The following TBC1D5 variants were observed in gnomAD, a reference collection of about 807,000 sequenced individuals.
The protein encoded by TBC1D5 is TBC1 domain family member 5, also known as TBC1 domain family, member 5.
A neutral mutation model predicts 100.3 loss-of-function variants in TBC1D5; 75 were observed. The observed-to-expected ratio is 0.75, with a 90% CI of 0.62 to 0.91. The LOEUF (loss-of-function observed/expected upper bound fraction) is 0.91. Among genes scored for constraint, TBC1D5 ranks in the 40% least tolerant of loss-of-function variants. The probability of loss-of-function intolerance (pLI) is 0.00; values close to 1 mark genes in which losing one functional copy is unlikely to be tolerated. For synonymous variants in TBC1D5, 323 were observed against 325.6 expected, an observed-to-expected ratio of 0.99 and a Z score of 0.09; for missense variants, 910 against 942.4, an observed-to-expected ratio of 0.97 and a Z score of 0.45.
intron 17 of TBC1D5, 34 bp downstream of exon 17, chr3:17,238,129 T>A (rs746119972): frequency 1.9e-6 from 3 of 1,595,160 alleles, no homozygotes; most frequent in Non-Finnish European, 1.7e-6. Context: ...ACACCATGAA[T>A]GTTTTCTTTA....
At chr3:17,683,282 A>AT (rs944374656) in intron 1 of TBC1D5, among the ~76,000 whole-genome samples, 4 of 151,072 alleles carry the variant, frequency 2.6e-5, no homozygotes, top group Admixed American at 2.6e-4. Flanking sequence ...TGATAACATT[A>AT]TTTTTTTTAA....
chr3:17,445,740 A>C (rs2094775495), intron 3 of TBC1D5, among the ~76,000 whole-genome samples: 1 of 152,252 alleles, frequency 6.6e-6, no homozygotes, highest in East Asian at 1.9e-4. Flanking sequence ...TTTATAAATT[A>C]AACTTTATCA....
intron 13 of TBC1D5, among the ~76,000 whole-genome samples, chr3:17,352,894 G>A (rs1359087147): frequency 1.3e-5 from 2 of 151,882 alleles, no homozygotes; most frequent in Admixed American, 6.6e-5. Flanking sequence ...CCAACCTACC[G>A]CTGTGCCCAG....
At chr3:17,544,757 T>C (rs940885466) in intron 2 of TBC1D5, among the ~76,000 whole-genome samples, 2 of 151,766 alleles carry the variant, frequency 1.3e-5, no homozygotes, top group African/African-American at 4.9e-5. Flanking sequence ...GGAGGAAAGA[T>C]AAGGAATATA....
intron 2 of TBC1D5, among the ~76,000 whole-genome samples, chr3:17,522,941 GTCA>G (rs1189508236): frequency 6.6e-6 from 1 of 152,098 alleles, no homozygotes; most frequent in Non-Finnish European, 1.5e-5. Context: ...ACCATGCTTT[GTCA>G]TCTGTGGAAC....
At chr3:17,262,817 T>C (rs1466824393) in intron 15 of TBC1D5, among the ~76,000 whole-genome samples, 1 of 151,986 alleles carries the variant, frequency 6.6e-6, no homozygotes, top group Non-Finnish European at 1.5e-5. Context: ...TTTGTTTTGG[T>C]GAATTTTCCT....
At chr3:17,270,488 A>G (rs1164674520) in intron 15 of TBC1D5, among the ~76,000 whole-genome samples, 1 of 152,190 alleles carries the variant, frequency 6.6e-6, no homozygotes, top group Non-Finnish European at 1.5e-5. Flanking sequence ...CTTACAGTGA[A>G]GTAAGTAGAA....
chr3:17,249,555 G>A (rs1056824085), intron 16 of TBC1D5, among the ~76,000 whole-genome samples: 1 of 152,178 alleles, frequency 6.6e-6, no homozygotes, highest in Non-Finnish European at 1.5e-5. Flanking sequence ...GGTGATAAGT[G>A]AGCTCTTGCT....
At chr3:17,673,022 C>A (rs939852245) in intron 1 of TBC1D5, among the ~76,000 whole-genome samples, 4 of 152,016 alleles carry the variant, frequency 2.6e-5, no homozygotes, top group African/African-American at 9.7e-5. Context: ...AAAATCACAG[C>A]AAGTAACCGT....
intron 4 of TBC1D5, among the ~76,000 whole-genome samples, chr3:17,418,350 G>A (rs928695681): frequency 1.1e-4 from 16 of 152,048 alleles, no homozygotes; most frequent in Non-Finnish European, 1.6e-4. Context: ...GCTCATGCCC[G>A]TAATCCCAAC....
chr3:17,289,619 C>A (rs185846708), intron 15 of TBC1D5, among the ~76,000 whole-genome samples: 1 of 143,396 alleles, frequency 7.0e-6, no homozygotes, highest in Non-Finnish European at 1.5e-5. Flanking sequence ...GGTGACAGTG[C>A]GAGACTCCAT....
chr3:17,243,570 T>A (rs2076483268), intron 16 of TBC1D5, among the ~76,000 whole-genome samples: 1 of 152,228 alleles, frequency 6.6e-6, no homozygotes, highest in East Asian at 1.9e-4. Context: ...CAATTTAAAA[T>A]AATCTCAACA....
Position 17,565,857 on chromosome 3 carries a change from A to G in TBC1D5, c.-35-57252T>C, listed in dbSNP as rs1258670189. ...ATTCAAACTTTGAAGCTAAGGTTAC[A>G]GGTATTCTAAATGAAAAATAATTTT... is the stretch of plus-strand genomic sequence containing the variant. On this transcript the variant is annotated intron_variant, in intron 2 of 21. Coordinates refer to ENST00000253692, the Ensembl canonical transcript of TBC1D5. 2.0e-5 allele frequency among the ~76,000 whole-genome samples: 3 copies of G among 152,066 alleles called. 1 individual carries two copies. The highest frequency in any genetic ancestry group is 2.9e-5 in the Non-Finnish European group (2 of 67,896).
At chr3:17,163,263 CCCT>C (rs377597729) in intron 21 of TBC1D5, among the ~76,000 whole-genome samples, 8,007 of 75,768 alleles carry the variant, frequency 0.11, 728 homozygotes, top group African/African-American at 0.33. Context: ...TGACCCCCCC[CCCT>C]TCCTTGCCCC....
chr3:17,645,394 T>C (rs1463050222), intron 1 of TBC1D5, among the ~76,000 whole-genome samples: 2 of 152,124 alleles, frequency 1.3e-5, no homozygotes, highest in African/African-American at 4.8e-5. Context: ...ATAATTATAC[T>C]TGAAAATTTA....
chr3:17,634,368 T>C (rs1201271586), intron 1 of TBC1D5, among the ~76,000 whole-genome samples: 1 of 152,098 alleles, frequency 6.6e-6, no homozygotes, highest in Non-Finnish European at 1.5e-5. Flanking sequence ...GTGCTACATA[T>C]AAACAATGGA....
intron 2 of TBC1D5, among the ~76,000 whole-genome samples, chr3:17,554,353 A>C (rs914430596): frequency 6.6e-6 from 1 of 152,214 alleles, no homozygotes; most frequent in African/African-American, 2.4e-5. Context: ...GTGGGAGACC[A>C]GTCAGAGTTC....
chr3:17,598,698 T>C lies in TBC1D5; in HGVS notation c.-36+25151A>G, dbSNP rs550611088. Among the ~76,000 whole-genome samples, 8 of 152,330 alleles carry C rather than the reference T, an allele frequency of 5.3e-5. No individual in the cohort carries two copies. In the South Asian group the frequency reaches 1.7e-3, roughly 32 times the overall value. ...CCAAATCATTCTGGAATTCTGAGGA[T>C]GCTTTACTTCTTAGAAAATAAGAGG... On this transcript the variant is annotated intron_variant, in intron 2 of 21. Coordinates refer to ENST00000253692, the Ensembl canonical transcript of TBC1D5.
At chr3:17,630,686 T>C (rs2063416227) in intron 1 of TBC1D5, among the ~76,000 whole-genome samples, 1 of 152,130 alleles carries the variant, frequency 6.6e-6, no homozygotes, top group Non-Finnish European at 1.5e-5. Flanking sequence ...AAGAATCGTA[T>C]GCCTCTCATT....
Sources: gnomAD v4.1 joint callset for allele counts (sites outside exome capture counted in the v4.1 genomes callset) on GRCh38, gnomAD v4.1.1 for gene constraint, MANE v1.5 for transcripts, NCBI Gene and HGNC (gene_info 2026-07-23, HGNC 2026-07-21) for gene names.